Variants in PAGE2B observed in about 807,000 individuals in gnomAD.
The protein encoded by PAGE2B is putative G antigen family E member 3.
Under a neutral mutation model 7.6 loss-of-function variants are expected in PAGE2B, and 5 were observed. The observed-to-expected ratio is 0.66, with a 90% CI of 0.34 to 1.38. The LOEUF (loss-of-function observed/expected upper bound fraction) is 1.38. Among genes scored for constraint, PAGE2B ranks in the 40% most tolerant of loss-of-function variants. The probability of loss-of-function intolerance (pLI) is 0.04; values close to 1 mark genes in which losing one functional copy is unlikely to be tolerated. For synonymous variants in PAGE2B, 29 were observed against 26.7 expected, an observed-to-expected ratio of 1.09 and a Z score of -0.27; for missense variants, 70 against 78.4, an observed-to-expected ratio of 0.89 and a Z score of 0.41.
the PAGE2B span, among the ~76,000 whole-genome samples, chrX:55,062,110 C>T: frequency 9.0e-6 from 1 of 111,397 alleles, no homozygotes; most frequent in Non-Finnish European, 1.9e-5. Flanking sequence ...TGGGTATATA[C>T]CTGGGAATAG....
At chrX:55,062,972 A>G in the PAGE2B span, among the ~76,000 whole-genome samples, 1 of 111,329 alleles carries the variant, frequency 9.0e-6, no homozygotes, top group Non-Finnish European at 1.9e-5. Flanking sequence ...GTCTGTTTTT[A>G]TGCCAGTACT....
the PAGE2B span, among the ~76,000 whole-genome samples, chrX:55,051,703 C>T: frequency 1.8e-5 from 2 of 111,317 alleles, no homozygotes; most frequent in Admixed American, 9.6e-5. Flanking sequence ...TCTAGTTATC[C>T]AGTCGTCTAA....
the PAGE2B span, among the ~76,000 whole-genome samples, chrX:55,037,913 A>C: frequency 2.4e-5 from 1 of 42,038 alleles, no homozygotes; most frequent in Non-Finnish European, 3.9e-5. Context: ...GGGTGGGGGG[A>C]GGGGGGAGGG....
the PAGE2B span, among the ~76,000 whole-genome samples, chrX:55,067,681 G>T: frequency 8.9e-6 from 1 of 111,780 alleles, no homozygotes; most frequent in East Asian, 2.8e-4. Context: ...CAGTGTAAAA[G>T]CATTCCTATT....
chrX:55,028,698 C>G, the PAGE2B span, among the ~76,000 whole-genome samples: 1 of 111,610 alleles, frequency 9.0e-6, no homozygotes, highest in African/African-American at 3.3e-5. Context: ...CTGAAATTTG[C>G]TCTGCCTCAC....
At chrX:55,039,536 C>T in the PAGE2B span, among the ~76,000 whole-genome samples, 1 of 104,826 alleles carries the variant, frequency 9.5e-6, no homozygotes, top group Non-Finnish European at 2.0e-5. Flanking sequence ...ACTAAAATTA[C>T]TAGTTTATTT....
At chrX:55,067,458 G>T in the PAGE2B span, among the ~76,000 whole-genome samples, 109 of 111,902 alleles carry the variant, frequency 9.7e-4, no homozygotes, top group African/African-American at 3.4e-3. Flanking sequence ...TATCACTGAT[G>T]GGAATTTGGG....
At chrX:55,043,086 A>G in the PAGE2B span, among the ~76,000 whole-genome samples, 2 of 111,516 alleles carry the variant, frequency 1.8e-5, no homozygotes, top group Non-Finnish European at 3.8e-5. Context: ...AAAAACATAA[A>G]GTAGGGAAAG....
chrX:55,051,379 T>C, the PAGE2B span, among the ~76,000 whole-genome samples: 1 of 111,919 alleles, frequency 8.9e-6, no homozygotes, highest in Non-Finnish European at 1.9e-5. Flanking sequence ...GGGGAAGTTC[T>C]CCTGGATAAT....
rs748842704 is a variant in PAGE2B, at chrX:55,075,791, C to T, written c.-8-243C>T. Among the ~76,000 whole-genome samples the T allele has an allele frequency of 5.4e-5, 6 of 111,353 alleles. No individual in the cohort carries two copies. In the East Asian group the frequency reaches 8.5e-4, roughly 16 times the overall value. On this transcript the variant is annotated intron_variant, in intron 1 of 4. Transcript: ENST00000374971. ...GGAGAGTCTAATTGTGAAACCAAAACGCAGAAATGTCCTCTGTCTTTTGCT... is the reference window on the plus strand; with the variant it reads ...GGAGAGTCTAATTGTGAAACCAAAATGCAGAAATGTCCTCTGTCTTTTGCT...
upstream of PAGE2B, among the ~76,000 whole-genome samples, chrX:55,073,583 A>G (rs1159727847): frequency 8.9e-6 from 1 of 112,091 alleles, no homozygotes; most frequent in African/African-American, 3.2e-5. Flanking sequence ...TGTCATTGGT[A>G]GTTTAATAGC....
upstream of PAGE2B, among the ~76,000 whole-genome samples, chrX:55,073,491 T>A (rs1936469953): frequency 9.0e-6 from 1 of 111,025 alleles, no homozygotes. Context: ...GACCAAAGCT[T>A]TTCCTATTAC....
rs183899731 is a variant in PAGE2B at position 55,076,324 on chromosome X, C to A, written c.84+199C>A. The stretch of plus-strand genomic sequence containing the variant: ...TATGGATATTTCTCTCTCTCTCTCT[C>A]TCTATATATATATATGTGTGTGTGT... On this transcript the variant is annotated intron_variant, in intron 2 of 4. Coordinates refer to ENST00000374971, the MANE Select transcript of PAGE2B (RefSeq NM_001015038.3). 0.018 allele frequency among the ~76,000 whole-genome samples: 1,869 copies of A among 106,203 alleles called. 48 individuals are homozygous for A. Among genetic ancestry groups the A allele is most frequent in the African/African-American group, 0.064 (1,755 of 27,609 alleles). The allele number at this position is 106,203 out of a possible 115,157, so 92.2% of individuals were successfully genotyped here. A position where few individuals can be genotyped will look rare whatever the true frequency, so the allele number is the denominator to read the frequency against.
the PAGE2B span, among the ~76,000 whole-genome samples, chrX:55,036,533 G>C: frequency 1.8e-5 from 2 of 110,933 alleles, no homozygotes; most frequent in African/African-American, 6.6e-5. Context: ...TTTGTCAAAG[G>C]CCTTTTCTGC....
chrX:55,072,154 C>T (rs1044183408), upstream of PAGE2B, among the ~76,000 whole-genome samples: 4 of 111,763 alleles, frequency 3.6e-5, no homozygotes, highest in African/African-American at 6.5e-5. Context: ...GGAGAAGTTG[C>T]GATCATTTGG....
At chrX:55,074,690 A>T (rs1352450237), upstream of PAGE2B, among the ~76,000 whole-genome samples, 1 of 112,580 alleles carries the variant, frequency 8.9e-6, no homozygotes, top group Admixed American at 9.4e-5. Context: ...GATTTATGGA[A>T]GCGTATATAA....
chrX:55,046,296 T>C, the PAGE2B span, among the ~76,000 whole-genome samples: 2 of 110,372 alleles, frequency 1.8e-5, no homozygotes, highest in African/African-American at 3.3e-5. Flanking sequence ...ATATTTTTAG[T>C]AGAGACGGAG....
rs1936527814 is a variant in PAGE2B at position 55,076,958 on chromosome X, T to C, written c.193+281T>C. Among the ~76,000 whole-genome samples the C allele has an allele frequency of 2.7e-5, 3 of 111,613 alleles. No homozygotes were observed. In the South Asian group the frequency reaches 1.1e-3, roughly 43 times the overall value. On this transcript the variant is annotated intron_variant, in intron 3 of 4. Transcript: ENST00000374971. ...TTGTTCAGCCATTTTCTGTTTTTTG[T>C]TGCTGTGGAAGAATGGCAGCTTGCA... is the stretch of plus-strand genomic sequence containing the variant.
the PAGE2B span, among the ~76,000 whole-genome samples, chrX:55,049,187 G>T: frequency 4.1e-4 from 46 of 111,034 alleles, no homozygotes; most frequent in African/African-American, 1.4e-3. Flanking sequence ...GCTTTTTGAT[G>T]TGCTGCTGGA....
Sources: gnomAD v4.1 joint callset for allele counts (sites outside exome capture counted in the v4.1 genomes callset) on GRCh38, gnomAD v4.1.1 for gene constraint, MANE v1.5 for transcripts, NCBI Gene and HGNC (gene_info 2026-07-23, HGNC 2026-07-21) for gene names.